Variants in DRP2 observed in about 807,000 individuals in gnomAD.
DRP2 encodes dystrophin-related protein 2.
Under a neutral mutation model 78.2 loss-of-function variants are expected in DRP2, and 29 were observed. The observed-to-expected ratio is 0.37, with a 90% CI of 0.28 to 0.51. The LOEUF is 0.51. Ranked by LOEUF, DRP2 falls within the 20% of genes least tolerant of loss-of-function variation. DRP2 has a pLI of 0.94. For missense variants in DRP2, 686 were observed against 770.6 expected, an observed-to-expected ratio of 0.89 and a Z score of 1.30; for synonymous variants, 290 against 281.9, an observed-to-expected ratio of 1.03 and a Z score of -0.29.
intron 1 of DRP2, among the ~76,000 whole-genome samples, chrX:101,224,084 C>T (rs1024159795): frequency 2.8e-5 from 3 of 106,982 alleles, no homozygotes; most frequent in South Asian, 4.3e-4. Flanking sequence ...GGAAGGGGGT[C>T]GCCTTCCCAT....
At chrX:101,226,892 A>C (rs867257595) in intron 2 of DRP2, among the ~76,000 whole-genome samples, 71 of 111,814 alleles carry the variant, frequency 6.3e-4, no homozygotes, top group African/African-American at 2.3e-3. Context: ...GAAACTGAGT[A>C]ATTTATAAGA....
At chrX:101,237,538 A>G (rs185374163) in intron 4 of DRP2, 81 bp from the exon 5 acceptor site, 295 of 973,469 alleles carry the variant, frequency 3.0e-4, no homozygotes, top group Admixed American at 9.8e-4. Context: ...TTAAAGTTCC[A>G]TATAACTTAG....
At chrX:101,229,105 G>C (rs1389060957) in intron 2 of DRP2, among the ~76,000 whole-genome samples, 1 of 112,244 alleles carries the variant, frequency 8.9e-6, no homozygotes, top group East Asian at 2.8e-4. Context: ...TAATATTACA[G>C]ATTATTTTTA....
intron 22 of DRP2, among the ~76,000 whole-genome samples, chrX:101,259,783 C>T (rs1923478559): frequency 8.9e-6 from 1 of 112,381 alleles, no homozygotes; most frequent in African/African-American, 3.2e-5. Context: ...CAGGCGTGAG[C>T]CACCGCGCCC....
chrX:101,258,289 G>T lies in DRP2; in HGVS notation c.2391-20G>T. 1 of 1,153,524 alleles carries T rather than the reference G, an allele frequency of 8.7e-7. No individual in the cohort carries two copies. The highest frequency in any genetic ancestry group is 1.2e-6 in the Non-Finnish European group (1 of 859,369). ...GAGCCCTGTTAGAGCCATAGGTCTT[G>T]GTGTCTCTCTCCATGGCAGGATTCT... On this transcript the variant is annotated intron_variant, in intron 21 of 23. Transcript: ENST00000395209.
intron 3 of DRP2, 61 bp from the exon 4 acceptor site, chrX:101,235,799 T>C: frequency 8.9e-7 from 1 of 1,122,370 alleles, no homozygotes; most frequent in Non-Finnish European, 1.2e-6. Context: ...CACCCTTGGC[T>C]TGGTGCAGAC....
At chrX:101,255,319 G>A (rs1923299532) in intron 20 of DRP2, 70 bp downstream of exon 20, 1 of 1,063,159 alleles carries the variant, frequency 9.4e-7, no homozygotes, top group Admixed American at 2.2e-5. Context: ...TGTTTGGGAA[G>A]GGTATATCCT....
intron 3 of DRP2, among the ~76,000 whole-genome samples, chrX:101,231,979 T>C (rs1274734223): frequency 9.0e-6 from 1 of 111,232 alleles, no homozygotes; most frequent in Non-Finnish European, 1.9e-5. Flanking sequence ...GCTGGGCAGC[T>C]CAGAGGGCCC....
rs138775194 is a variant in DRP2, at chrX:101,248,295, G to A, written c.1454+5G>A. The A allele has an allele frequency of 0.017, 20,245 of 1,206,199 alleles. 134 individuals carry two copies. The highest frequency in any genetic ancestry group is 0.063 in the Middle Eastern group (265 of 4,194). ...GCTCCTCAATGTTTTTGATAGGTAAGGGCTTTCAGCTCTGGAAGCCTCCAG... is the reference window on the plus strand; with the variant it reads ...GCTCCTCAATGTTTTTGATAGGTAAAGGCTTTCAGCTCTGGAAGCCTCCAG... On this transcript the variant is annotated splice_donor_5th_base_variant and intron_variant, in intron 13 of 23. Coordinates refer to ENST00000395209, the MANE Select transcript of DRP2 (RefSeq NM_001939.3).
In DRP2 at chrX:101,263,560, A is replaced by T. The variant is rs1396436733; in HGVS notation, c.*2939A>T. ...TCTGCTTCCAGTGACAGCAGAGTGG[A>T]TTCACATTGATTGGGCATTGTCACG... On this transcript the variant is annotated 3_prime_UTR_variant, in exon 24 of 24. Transcript: ENST00000395209. 8.9e-6 allele frequency: 1 copy of T among 112,316 alleles called. No individual in the cohort carries two copies. The highest frequency in any genetic ancestry group is 2.8e-4 in the East Asian group (1 of 3,598). The allele number at this position is 112,316 out of a possible 1,213,427, so 9.3% of individuals were successfully genotyped here.
chrX:101,241,604 T>C, intron 6 of DRP2, 64 bp from the exon 7 acceptor site: 1 of 1,162,007 alleles, frequency 8.6e-7, no homozygotes, highest in African/African-American at 1.8e-5. Flanking sequence ...GGGCTGTTTC[T>C]GTCTCTTTCT....
At position 101,242,356 on chromosome X, in the gene DRP2, A is replaced by G. The variant is rs984061402; in HGVS notation, c.860A>G (p.Asp287Gly). 2.5e-6 allele frequency: 3 copies of G among 1,209,580 alleles called. No individual in the cohort carries two copies. Among genetic ancestry groups the G allele is most frequent in the Non-Finnish European group, 2.2e-6 (2 of 895,134 alleles). The change falls in exon 8 of 24, where the codon GAT becomes GGT. Residue 287 changes from aspartate (D) to glycine (G), a missense_variant. This residue lies in a region of DRP2 where 263 missense variants were observed against 239.1 expected (regional missense o/e 1.10). Transcript: ENST00000395209. Reference protein sequence around the residue: ...LFKEEFSPMKDGVKLVNDLAH... With the variant: ...LFKEEFSPMKGGVKLVNDLAH... ...AAAGAAGAATTCTCCCCCATGAAAG[A>G]TGGAGTAAAGTTGGTGAATGATCTG...
chrX:101,243,788 G>A (rs372146440), intron 9 of DRP2, among the ~76,000 whole-genome samples: 15 of 111,668 alleles, frequency 1.3e-4, no homozygotes, highest in Admixed American at 5.8e-4. Context: ...CAGGGAAGGC[G>A]TGGATAGGGA....
intron 16 of DRP2, chrX:101,251,844 C>A (rs1923153219): frequency 9.0e-6 from 1 of 111,617 alleles, no homozygotes; most frequent in Non-Finnish European, 1.9e-5. Context: ...TGATTATATT[C>A]CTCTCCTTCC....
chrX:101,241,681 A>G lies in DRP2; in HGVS notation c.573A>G (p.Lys191=). ...CTCCTCTTGCAGATACCTCCCCGAAACAGCGGATCCAGAATCTCAGCCGCT... is the reference window on the plus strand; with the variant it reads ...CTCCTCTTGCAGATACCTCCCCGAAGCAGCGGATCCAGAATCTCAGCCGCT... ...PHSESKDTSP[K]QRIQNLSRFV... Residue 191 remains lysine (K), a synonymous_variant, in exon 7 of 24, where the codon AAA becomes AAG. Coordinates refer to ENST00000395209, the MANE Select transcript of DRP2 (RefSeq NM_001939.3). 8.3e-7 allele frequency: 1 copy of G among 1,211,174 alleles called. No individual in the cohort carries two copies. Among genetic ancestry groups the G allele is most frequent in the Non-Finnish European group, 1.1e-6 (1 of 895,108 alleles).
At chrX:101,234,587 G>T (rs1922420098) in intron 3 of DRP2, among the ~76,000 whole-genome samples, 1 of 112,499 alleles carries the variant, frequency 8.9e-6, no homozygotes, top group Non-Finnish European at 1.9e-5. Flanking sequence ...TCAGGATTCT[G>T]CCTGTTTGTG....
chrX:101,256,073 G>C (rs139691084), intron 20 of DRP2, 45 bp from the exon 21 acceptor site: 4 of 1,125,612 alleles, frequency 3.6e-6, no homozygotes, highest in Non-Finnish European at 3.5e-6. Flanking sequence ...TTGTTTCTCT[G>C]TTCAACAACT....
chrX:101,258,027 C>T (rs1412448469), intron 21 of DRP2, among the ~76,000 whole-genome samples: 10 of 111,115 alleles, frequency 9.0e-5, no homozygotes, highest in Admixed American at 9.6e-5. Context: ...CAGAATTAAT[C>T]CCTAAAGCAG....
intron 4 of DRP2, among the ~76,000 whole-genome samples, 196 bp downstream of exon 4, chrX:101,236,219 A>G (rs764818765): frequency 1.1e-3 from 127 of 111,686 alleles, no homozygotes; most frequent in Non-Finnish European, 2.0e-3. Flanking sequence ...AGTTTTAAGT[A>G]GTTGTGTCAC....
Sources: gnomAD v4.1 joint callset for allele counts (sites outside exome capture counted in the v4.1 genomes callset) on GRCh38, gnomAD v4.1.1 for gene constraint, gnomAD v4.1.1 regional missense constraint, MANE v1.5 for transcripts, NCBI Gene and HGNC (gene_info 2026-07-23, HGNC 2026-07-21) for gene names.